LRBA: variants seen among roughly 807,000 people sequenced by gnomAD.
The protein encoded by LRBA is lipopolysaccharide-responsive and beige-like anchor protein.
In LRBA, 176 loss-of-function variants were observed where a neutral mutation model predicts 330.0. That is an observed-to-expected ratio of 0.53 (90% confidence interval 0.47 to 0.60). The LOEUF (loss-of-function observed/expected upper bound fraction) is 0.60, where lower values mean the gene tolerates loss of function less well. Ranked by LOEUF, LRBA falls within the 20% of genes least tolerant of loss-of-function variation. The pLI is 0.00. For missense variants in LRBA, 3,259 were observed against 3,444.8 expected (o/e 0.95, Z 1.35); for synonymous variants, 1,230 against 1,193.0 (o/e 1.03, Z -0.64).
In LRBA at chr4:150,797,991, A is replaced by ATTGCATCAC. The variant is rs1741048562; in HGVS notation, c.5580+89_5580+90insGTGATGCAA. Reference sequence around the variant, plus strand: ...CAAACTCACAATTTTATTATACCAAAAATTTCAGTAATGCAAATATAAAAT... The same window carrying ATTGCATCAC: ...CAAACTCACAATTTTATTATACCAAATTGCATCACAATTTCAGTAATGCAAATATAAAAT... On this transcript the variant is annotated intron_variant, in intron 34 of 56. Transcript: ENST00000651943. 8 of 820,548 alleles carry ATTGCATCAC rather than the reference A, an allele frequency of 9.7e-6. No individual in the cohort carries two copies. In the Admixed American group the frequency reaches 1.8e-4, roughly 18 times the overall value. 50.8% of individuals were successfully genotyped at this position (820,548 alleles called of 1,614,324 possible). A position where few individuals can be genotyped will look rare whatever the true frequency, so the allele number is the denominator to read the frequency against.
chr4:150,632,964 C>T (rs1036224166), intron 37 of LRBA, among the ~76,000 whole-genome samples: 1 of 152,178 alleles, frequency 6.6e-6, no homozygotes, highest in African/African-American at 2.4e-5. Flanking sequence ...TATATTCTCT[C>T]ATCCTATGAT....
chr4:150,330,066 G>A (rs1358579671), intron 48 of LRBA, among the ~76,000 whole-genome samples: 1 of 152,132 alleles, frequency 6.6e-6, no homozygotes, highest in South Asian at 2.1e-4. Context: ...GTCTTCAAGT[G>A]ATTCCAGTAA....
intron 46 of LRBA, among the ~76,000 whole-genome samples, chr4:150,417,443 C>A (rs1370623712): frequency 6.6e-6 from 1 of 152,076 alleles, no homozygotes; most frequent in East Asian, 1.9e-4. Flanking sequence ...GGCCTTGTTT[C>A]ACAATAAAGA....
At chr4:150,273,238 A>T in intron 56 of LRBA, among the ~76,000 whole-genome samples, 1 of 152,182 alleles carries the variant, frequency 6.6e-6, no homozygotes, top group East Asian at 1.9e-4. Context: ...GAGAAATAAA[A>T]TCCTTTACAG....
At chr4:150,453,269 C>T (rs1303930105) in intron 44 of LRBA, among the ~76,000 whole-genome samples, 1 of 152,118 alleles carries the variant, frequency 6.6e-6, no homozygotes, top group Non-Finnish European at 1.5e-5. Context: ...GACTTTATTA[C>T]ATGATTTACT....
chr4:150,345,044 T>C (rs115211562), intron 48 of LRBA, among the ~76,000 whole-genome samples: 5,950 of 152,296 alleles, frequency 0.039, 163 homozygotes, highest in Non-Finnish European at 0.058. Context: ...AATGATCTTA[T>C]TCATCCTTCA....
At chr4:150,657,422 T>C (rs1051329216) in intron 37 of LRBA, among the ~76,000 whole-genome samples, 1 of 152,108 alleles carries the variant, frequency 6.6e-6, no homozygotes, top group African/African-American at 2.4e-5. Context: ...AACATTGTGT[T>C]CACAGGTAAA....
intron 38 of LRBA, among the ~76,000 whole-genome samples, chr4:150,598,466 G>A (rs1036796748): frequency 3.3e-5 from 5 of 152,190 alleles, no homozygotes; most frequent in Admixed American, 6.5e-5. Flanking sequence ...GAATAGGAAC[G>A]TATGAAAATA....
rs1749502559 is a variant in LRBA, at chr4:150,844,165, C to T, written c.4504G>A (p.Asp1502Asn). Reference protein sequence around the residue: ...IVTGGISPVRDLDRLLQDMDI... With the variant: ...IVTGGISPVRNLDRLLQDMDI... ...ATGTCCTGTAGAAGCCTGTCAAGAT[C>T]TCTTACTGGAGATATACCGCCAGTC... Residue 1502 changes from aspartate (D) to asparagine (N), a missense_variant, in exon 28 of 57, where the codon GAT becomes AAT. By Grantham distance (23) the Asp-to-Asn change is conservative. Coordinates refer to ENST00000651943, the MANE Select transcript of LRBA (RefSeq NM_001364905.1). The T allele has an allele frequency of 1.2e-6, 2 of 1,611,658 alleles. No individual in the cohort carries two copies. Among genetic ancestry groups the T allele is most frequent in the Non-Finnish European group, 1.7e-6 (2 of 1,178,510 alleles).
chr4:150,825,382 G>C (rs184753213), intron 30 of LRBA, among the ~76,000 whole-genome samples: 44 of 151,966 alleles, frequency 2.9e-4, no homozygotes, highest in African/African-American at 9.2e-4. Context: ...ATGGGGCAGG[G>C]GGGGAAGGAG....
At chr4:150,319,439 G>A (rs1241090626) in intron 50 of LRBA, among the ~76,000 whole-genome samples, 1 of 152,108 alleles carries the variant, frequency 6.6e-6, no homozygotes, top group East Asian at 1.9e-4. Context: ...GTATTTGATA[G>A]AACATATCAC....
chr4:150,683,072 G>A (rs562662033), intron 37 of LRBA, among the ~76,000 whole-genome samples: 1 of 151,772 alleles, frequency 6.6e-6, no homozygotes, highest in Non-Finnish European at 1.5e-5. Context: ...CCTGAAATTT[G>A]CAACATAAGA....
Position 150,999,830 on chromosome 4 carries a change from G to T in LRBA, c.216+14597C>A, listed in dbSNP as rs114643237. ...TACTATGTGTCAAGTACTCTTCTAG[G>T]GGCTAGGGATGCAATAAGCAAAACA... is the stretch of plus-strand genomic sequence containing the variant. On this transcript the variant is annotated intron_variant, in intron 2 of 56. Transcript: ENST00000651943. 4.1e-3 allele frequency among the ~76,000 whole-genome samples: 625 copies of T among 152,142 alleles called. 7 individuals carry two copies. Among genetic ancestry groups the T allele is most frequent in the African/African-American group, 0.014 (598 of 41,490 alleles).
At chr4:150,680,371 G>T (rs1487693430) in intron 37 of LRBA, among the ~76,000 whole-genome samples, 3 of 152,190 alleles carry the variant, frequency 2.0e-5, no homozygotes, top group African/African-American at 4.8e-5. Context: ...GAGAGAGAAA[G>T]AACTCTCATG....
At chr4:150,751,749 G>C (rs1733585922) in intron 35 of LRBA, among the ~76,000 whole-genome samples, 1 of 152,024 alleles carries the variant, frequency 6.6e-6, no homozygotes, top group African/African-American at 2.4e-5. Context: ...GTCAGCCTTA[G>C]GAAACAAACA....
intron 36 of LRBA, among the ~76,000 whole-genome samples, chr4:150,730,046 C>T (rs1229331935): frequency 6.6e-6 from 1 of 151,802 alleles, no homozygotes; most frequent in Non-Finnish European, 1.5e-5. Flanking sequence ...GAAACTACTA[C>T]AAAAAAAACT....
intron 17 of LRBA, among the ~76,000 whole-genome samples, chr4:150,891,641 T>C (rs890707103): frequency 2.0e-5 from 3 of 152,174 alleles, no homozygotes; most frequent in African/African-American, 7.2e-5. Flanking sequence ...CTGCCTATCC[T>C]ATGGATTTTG....
chr4:150,333,446 C>T (rs1368706814), intron 48 of LRBA, among the ~76,000 whole-genome samples: 5 of 152,080 alleles, frequency 3.3e-5, no homozygotes, highest in African/African-American at 1.2e-4. Flanking sequence ...TTAAAACTTT[C>T]TCACATTACC....
chr4:150,563,671 C>A (rs1484133578), intron 40 of LRBA, among the ~76,000 whole-genome samples: 1 of 152,096 alleles, frequency 6.6e-6, no homozygotes, highest in Non-Finnish European at 1.5e-5. Flanking sequence ...AAGCTGATAA[C>A]CAACTTCAGC....
Sources: allele counts gnomAD v4.1 joint callset (sites outside exome capture counted in the v4.1 genomes callset), GRCh38; gene constraint gnomAD v4.1.1; transcripts MANE v1.5; gene names NCBI Gene and HGNC (gene_info 2026-07-23, HGNC 2026-07-21).